OR2V2: variants seen among roughly 807,000 people sequenced by gnomAD.
The protein encoded by OR2V2 is olfactory receptor family 2 subfamily V member 2.
For missense variants in OR2V2, 392 were observed against 392.2 expected (o/e 1.00, Z 0.00); for synonymous variants, 161 against 151.3 (o/e 1.06, Z -0.47).
intron 1 of OR2V2, among the ~76,000 whole-genome samples, chr5:181,151,982 CAAA>C (rs3044869): frequency 2.6e-3 from 243 of 93,336 alleles, no homozygotes; most frequent in African/African-American, 7.4e-3. Context: ...GGCCCTGTCT[CAAA>C]AAAAAAAAAA....
rs759368313 is a variant in OR2V2, at chr5:181,157,386, G to A, written c.*1496G>A. On this transcript the variant is annotated 3_prime_UTR_variant, in exon 2 of 2. Transcript: ENST00000641492. ...ATATTATGCCCATTTTACAGGAGAG[G>A]AAGCTAGGGCTCAAATCGGTAAGTC... The A allele has an allele frequency of 6.6e-6, 1 of 152,236 alleles. No homozygotes were observed. The highest frequency in any genetic ancestry group is 1.5e-5 in the Non-Finnish European group (1 of 68,050). The allele number at this position is 152,236 out of a possible 1,614,324, so 9.4% of individuals were successfully genotyped here. A position where few individuals can be genotyped will look rare whatever the true frequency, so the allele number is the denominator to read the frequency against.
chr5:181,152,648 C>T (rs548551609), intron 1 of OR2V2, among the ~76,000 whole-genome samples: 19 of 152,292 alleles, frequency 1.2e-4, no homozygotes, highest in African/African-American at 4.3e-4. Flanking sequence ...TAGTGACTCA[C>T]GTCTAAAAAC....
chr5:181,149,521 C>G (rs72821719), intron 1 of OR2V2, among the ~76,000 whole-genome samples: 1 of 152,194 alleles, frequency 6.6e-6, no homozygotes, highest in Non-Finnish European at 1.5e-5. Context: ...AAGAAGCCAT[C>G]CCGGATAGGG....
chr5:181,148,492 G>A (rs770951087), intron 1 of OR2V2, among the ~76,000 whole-genome samples: 3 of 152,198 alleles, frequency 2.0e-5, no homozygotes, highest in African/African-American at 7.2e-5. Flanking sequence ...CCAGCAGAAA[G>A]GTCTGAAGTT....
chr5:181,152,364 CAGTT>C (rs1456683247), intron 1 of OR2V2, among the ~76,000 whole-genome samples: 1 of 152,168 alleles, frequency 6.6e-6, no homozygotes, highest in African/African-American at 2.4e-5. Flanking sequence ...TAAAATTTCT[CAGTT>C]AGGAGCTTCC....
At chr5:181,150,694 G>A (rs2113344889) in intron 1 of OR2V2, among the ~76,000 whole-genome samples, 1 of 152,276 alleles carries the variant, frequency 6.6e-6, no homozygotes, top group Middle Eastern at 3.4e-3. Flanking sequence ...GAACCCACAG[G>A]GCCAGGTGCA....
chr5:181,157,989 C>G lies in OR2V2; in HGVS notation c.*2099C>G, dbSNP rs1227965903. 1 of 152,204 alleles carries G rather than the reference C, an allele frequency of 6.6e-6. No homozygotes were observed. The highest frequency in any genetic ancestry group is 1.9e-4 in the East Asian group (1 of 5,196). 9.4% of individuals were successfully genotyped at this position (152,204 alleles called of 1,614,324 possible). ...CATAATCACCCAAGCAAAAGTTTCA[C>G]CAGCCTTTACCTTATCTAGTCCCAT... On this transcript the variant is annotated 3_prime_UTR_variant, in exon 2 of 2. Coordinates refer to ENST00000641492, the MANE Select transcript of OR2V2 (RefSeq NM_206880.2).
At chr5:181,152,102 C>T (rs1309358950) in intron 1 of OR2V2, among the ~76,000 whole-genome samples, 1 of 152,128 alleles carries the variant, frequency 6.6e-6, no homozygotes, top group African/African-American at 2.4e-5. Flanking sequence ...TTCAGTGTCC[C>T]AGCCACAGTA....
intron 1 of OR2V2, among the ~76,000 whole-genome samples, chr5:181,153,961 A>G (rs1763223350): frequency 6.6e-6 from 1 of 152,104 alleles, no homozygotes; most frequent in Non-Finnish European, 1.5e-5. Flanking sequence ...CTGAAACCTC[A>G]CTGTTCTTAA....
At chr5:181,148,741 G>C (rs1036152995) in intron 1 of OR2V2, among the ~76,000 whole-genome samples, 1 of 152,244 alleles carries the variant, frequency 6.6e-6, no homozygotes, top group Admixed American at 6.5e-5. Flanking sequence ...TTTGTGTGCT[G>C]TGGGAGCCAA....
In OR2V2 at chr5:181,155,463, A is replaced by C; in HGVS notation, c.521A>C (p.Lys174Thr). Residue 174 changes from lysine (K) to threonine (T), a missense_variant, in exon 2 of 2, where the codon AAG (lysine) becomes ACG (threonine). Lys to Thr is a moderately conservative substitution (Grantham distance 78). Coordinates refer to ENST00000641492, the MANE Select transcript of OR2V2 (RefSeq NM_206880.2). ...AATTTCCCCTACTGTGGCTTGAGGA[A>C]GGTGAACCATTTCTTCTGTGAGATG... ...VMNFPYCGLRKVNHFFCEMLS... is the reference protein window; with the variant it reads ...VMNFPYCGLRTVNHFFCEMLS... The C allele has an allele frequency of 6.2e-7, 1 of 1,614,204 alleles. No homozygotes were observed. The highest frequency in any genetic ancestry group is 8.5e-7 in the Non-Finnish European group (1 of 1,180,038).
chr5:181,154,933 C>A lies in OR2V2; in HGVS notation c.-10C>A. The A allele has an allele frequency of 1.3e-6, 2 of 1,599,742 alleles. No individual in the cohort carries two copies. Among genetic ancestry groups the A allele is most frequent in the Non-Finnish European group, 1.7e-6 (2 of 1,167,172 alleles). ...CATATTCTCAGGTGACCAGGAGCAA[C>A]AACCGAGCCATGGAGACGTGGGTGA... On this transcript the variant is annotated 5_prime_UTR_variant, in exon 2 of 2. Coordinates refer to ENST00000641492, the MANE Select transcript of OR2V2 (RefSeq NM_206880.2).
At chr5:181,154,451 G>A (rs972256320) in intron 1 of OR2V2, among the ~76,000 whole-genome samples, 6 of 152,112 alleles carry the variant, frequency 3.9e-5, no homozygotes, top group South Asian at 4.1e-4. Context: ...TTAGCTGGGC[G>A]TGGTGGCGGG....
intron 1 of OR2V2, 144 bp from the exon 2 acceptor site, chr5:181,154,775 G>A (rs1443190839): frequency 1.6e-6 from 1 of 621,230 alleles, no homozygotes; most frequent in Non-Finnish European, 2.9e-6. Context: ...GTGTTAGGGA[G>A]ATATGGAGTG....
In OR2V2 at chr5:181,155,238, G is replaced by C; in HGVS notation, c.296G>C (p.Gly99Ala). The C allele has an allele frequency of 6.2e-7, 1 of 1,613,376 alleles. No homozygotes were observed. Among genetic ancestry groups the C allele is most frequent in the Non-Finnish European group, 8.5e-7 (1 of 1,179,954 alleles). The change falls in exon 2 of 2, where the codon GGC becomes GCC. Residue 99 changes from glycine (G) to alanine (A), a missense_variant. Coordinates refer to ENST00000641492, the MANE Select transcript of OR2V2 (RefSeq NM_206880.2). ...GRKSISFVGC[G>A]IQIGLFVCLV... ...AAGTCCATCTCCTTTGTGGGCTGTG[G>C]CATACAAATTGGCCTCTTTGTCTGT... is the stretch of plus-strand genomic sequence containing the variant.
rs1325821910 is a variant in OR2V2 at position 181,156,078 on chromosome 5, CTTTCT to C, written c.*191_*195del. 1 of 544,586 alleles carries C rather than the reference CTTTCT, an allele frequency of 1.8e-6. No individual in the cohort carries two copies. Among genetic ancestry groups the C allele is most frequent in the African/African-American group, 1.9e-5 (1 of 51,618 alleles). The allele number at this position is 544,586 out of a possible 1,614,324, so 33.7% of individuals were successfully genotyped here. Reference sequence around the variant, plus strand: ...TCTTTCTTTCTTTCTTTCTTTTGTTCTTTCTTTCGTTCTTTCTTTCTCTTCCTCTT... The same window carrying C: ...TCTTTCTTTCTTTCTTTCTTTTGTTCTTCGTTCTTTCTTTCTCTTCCTCTT... On this transcript the variant is annotated 3_prime_UTR_variant, in exon 2 of 2. Transcript: ENST00000641492.
intron 1 of OR2V2, among the ~76,000 whole-genome samples, chr5:181,154,059 C>T (rs555200501): frequency 5.9e-5 from 9 of 152,324 alleles, no homozygotes; most frequent in Non-Finnish European, 8.8e-5. Context: ...CACCGTCCAT[C>T]GCAACTCTTC....
At chr5:181,148,662 G>A (rs375995136) in intron 1 of OR2V2, among the ~76,000 whole-genome samples, 1 of 152,266 alleles carries the variant, frequency 6.6e-6, no homozygotes, top group South Asian at 2.1e-4. Flanking sequence ...ACGTGCCGGG[G>A]AACATGGGTC....
chr5:181,149,662 A>G (rs543555254), intron 1 of OR2V2, among the ~76,000 whole-genome samples: 43 of 152,308 alleles, frequency 2.8e-4, no homozygotes, highest in African/African-American at 8.4e-4. Flanking sequence ...TCCGCGGAGG[A>G]CACAGCTATG....
Sources: gnomAD v4.1 joint callset for allele counts (sites outside exome capture counted in the v4.1 genomes callset) on GRCh38, gnomAD v4.1.1 for gene constraint, MANE v1.5 for transcripts, NCBI Gene and HGNC (gene_info 2026-07-23, HGNC 2026-07-21) for gene names.